The following GARRE1 variants were observed in gnomAD, a reference collection of about 807,000 sequenced individuals.
GARRE1 encodes granule associated Rac and RHOG effector protein 1.
Under a neutral mutation model 103.2 loss-of-function variants are expected in GARRE1, and 49 were observed. The observed-to-expected ratio is 0.47, with a 90% CI of 0.38 to 0.60. GARRE1 has a LOEUF of 0.60. GARRE1 is among the 20% of genes least tolerant of loss of function. The pLI is 0.00. For missense variants in GARRE1, 1,199 were observed against 1,370.5 expected (o/e 0.87, Z 1.98); for synonymous variants, 505 against 532.8 (o/e 0.95, Z 0.72).
rs540904383 is a variant in GARRE1, at chr19:34,340,004, T to C, written c.1487+12T>C. ...TGGAGGGCTGGAAGGTTGGTGTCTG[T>C]GGTTTGCATTAGATGCATACCGAGG... On this transcript the variant is annotated intron_variant, in intron 9 of 13. Transcript: ENST00000299505. The C allele has an allele frequency of 2.9e-4, 467 of 1,614,172 alleles. 3 individuals carry two copies. The South Asian group carries it at 4.9e-3, about 17-fold the overall frequency.
chr19:34,296,293 T>A (rs184356571), intron 1 of GARRE1: 370 of 718,946 alleles, frequency 5.1e-4, no homozygotes, highest in Non-Finnish European at 7.1e-4. Context: ...GAAGCCTTTG[T>A]AGGGGCCTGG....
intron 1 of GARRE1, among the ~76,000 whole-genome samples, chr19:34,275,917 G>T (rs2073814553): frequency 6.6e-6 from 1 of 152,166 alleles, no homozygotes; most frequent in Non-Finnish European, 1.5e-5. Context: ...AGTAATCCTA[G>T]TGGTTGCGAA....
intron 1 of GARRE1, among the ~76,000 whole-genome samples, chr19:34,297,389 G>A (rs2073953128): frequency 6.6e-6 from 1 of 152,078 alleles, no homozygotes; most frequent in Non-Finnish European, 1.5e-5. Context: ...AGAAAGTTTG[G>A]AAGTATGTAA....
intron 2 of GARRE1, among the ~76,000 whole-genome samples, chr19:34,305,463 A>G (rs1336281222): frequency 6.6e-6 from 1 of 152,238 alleles, no homozygotes; most frequent in Admixed American, 6.5e-5. Flanking sequence ...TCTTAGCTTT[A>G]TTCAGGACTT....
chr19:34,289,731 AAAT>A (rs2073906784), intron 1 of GARRE1, among the ~76,000 whole-genome samples: 1 of 151,920 alleles, frequency 6.6e-6, no homozygotes, highest in African/African-American at 2.4e-5. Context: ...TCAAAAAAAA[AAAT>A]AAAAAAAAGT....
chr19:34,353,180 A>G lies in GARRE1; in HGVS notation c.*225A>G. ...GCCCTGGAGAGCCAGCTGGAGACAC[A>G]GGCGTCTGGCCTTCAGGGGCTTGCT... On this transcript the variant is annotated 3_prime_UTR_variant, in exon 14 of 14. Coordinates refer to ENST00000299505, the MANE Select transcript of GARRE1 (RefSeq NM_014686.5). The G allele has an allele frequency of 3.9e-6, 2 of 517,212 alleles. No homozygotes were observed. The highest frequency in any genetic ancestry group is 2.9e-5 in the East Asian group (1 of 34,072). The allele number at this position is 517,212 out of a possible 1,614,324, so 32.0% of individuals were successfully genotyped here. A position where few individuals can be genotyped will look rare whatever the true frequency, so the allele number is the denominator to read the frequency against.
Position 34,353,082 on chromosome 19 carries a change from A to C in GARRE1, c.*127A>C. The C allele has an allele frequency of 1.1e-6, 1 of 911,282 alleles. No homozygotes were observed. The highest frequency in any genetic ancestry group is 1.6e-6 in the Non-Finnish European group (1 of 620,524). 56.4% of individuals were successfully genotyped at this position (911,282 alleles called of 1,614,324 possible). Reference sequence around the variant, plus strand: ...AGGACCAGTGCGCCCCATCCCAGGGAGGGTTCCTTGGGGACAAGGGTGGTT... The same window carrying C: ...AGGACCAGTGCGCCCCATCCCAGGGCGGGTTCCTTGGGGACAAGGGTGGTT... On this transcript the variant is annotated 3_prime_UTR_variant, in exon 14 of 14. Coordinates refer to ENST00000299505, the MANE Select transcript of GARRE1 (RefSeq NM_014686.5).
chr19:34,311,342 C>T (rs780086912), intron 2 of GARRE1, among the ~76,000 whole-genome samples: 2 of 152,158 alleles, frequency 1.3e-5, no homozygotes, highest in Non-Finnish European at 2.9e-5. Flanking sequence ...ACTAGAAGTA[C>T]TGCATGAGAT....
chr19:34,300,993 T>G, intron 2 of GARRE1, 25 bp downstream of exon 2: 1 of 1,575,758 alleles, frequency 6.3e-7, no homozygotes. Flanking sequence ...GTGTCATACT[T>G]GTGTAGGAAA....
intron 1 of GARRE1, among the ~76,000 whole-genome samples, chr19:34,291,995 A>G (rs577404595): frequency 6.6e-6 from 1 of 151,936 alleles, no homozygotes; most frequent in South Asian, 2.1e-4. Context: ...AATAGCTGGG[A>G]TTACAGGCAT....
intron 6 of GARRE1, among the ~76,000 whole-genome samples, chr19:34,329,760 C>T (rs573421831): frequency 1.3e-5 from 2 of 152,020 alleles, no homozygotes; most frequent in South Asian, 4.2e-4. Context: ...TGCTTGAACC[C>T]AGGAGGTGGA....
At chr19:34,316,230 T>C (rs1018388789) in intron 2 of GARRE1, among the ~76,000 whole-genome samples, 3 of 152,228 alleles carry the variant, frequency 2.0e-5, no homozygotes, top group African/African-American at 7.2e-5. Context: ...CATAAGGTGC[T>C]TGGTATTTAA....
chr19:34,255,740 CCCTCA>C (rs2073668090), intron 1 of GARRE1, among the ~76,000 whole-genome samples: 1 of 151,668 alleles, frequency 6.6e-6, no homozygotes, highest in Non-Finnish European at 1.5e-5. Context: ...CCTCAAGCGA[CCCTCA>C]CGCCTTCGCC....
intron 1 of GARRE1, among the ~76,000 whole-genome samples, chr19:34,281,797 GTC>G (rs1352527121): frequency 6.6e-6 from 1 of 152,168 alleles, no homozygotes; most frequent in Non-Finnish European, 1.5e-5. Flanking sequence ...AGATTCATTT[GTC>G]TTTTGTTTCA....
In GARRE1 at chr19:34,342,049, T is replaced by A; in HGVS notation, c.2115T>A (p.Ala705=). ...PVPPPPRAPQ[A]GAHTPLTPQP... ...CCCCTCCACCACGGGCACCCCAGGCTGGGGCACACACACCTCTGACACCCC... is the reference window on the plus strand; with the variant it reads ...CCCCTCCACCACGGGCACCCCAGGCAGGGGCACACACACCTCTGACACCCC... The change falls in exon 10 of 14, where the codon GCT becomes GCA. Residue 705 remains alanine, a synonymous_variant. Transcript: ENST00000299505. 1 of 1,614,066 alleles carries A rather than the reference T, an allele frequency of 6.2e-7. No homozygotes were observed. Among genetic ancestry groups the A allele is most frequent in the Non-Finnish European group, 8.5e-7 (1 of 1,180,012 alleles).
intron 2 of GARRE1, among the ~76,000 whole-genome samples, chr19:34,306,229 A>G (rs2074006952): frequency 6.6e-6 from 1 of 152,198 alleles, no homozygotes; most frequent in Admixed American, 6.5e-5. Flanking sequence ...TCTGTGGCCT[A>G]ACATTGCCAG....
chr19:34,288,270 A>T (rs946004997), intron 1 of GARRE1, among the ~76,000 whole-genome samples: 1 of 152,174 alleles, frequency 6.6e-6, no homozygotes, highest in Non-Finnish European at 1.5e-5. Context: ...TCCAAAACTG[A>T]ATGGAAACTG....
rs546636655 is a variant in GARRE1, at chr19:34,319,440, G to A, written c.496-467G>A. On this transcript the variant is annotated intron_variant, in intron 2 of 13. Transcript: ENST00000299505. ...TGTTAACACTCCTACTAAAATAACC[G>A]GTATATTTGGATTCCATTTTCAACG... Among the ~76,000 whole-genome samples, 9 of 152,214 alleles carry A rather than the reference G, an allele frequency of 5.9e-5. No homozygotes were observed. The South Asian group carries it at 1.9e-3, about 32-fold the overall frequency.
At chr19:34,318,663 T>A (rs914526856) in intron 2 of GARRE1, among the ~76,000 whole-genome samples, 1 of 152,214 alleles carries the variant, frequency 6.6e-6, no homozygotes, top group African/African-American at 2.4e-5. Context: ...GCAAAACAAC[T>A]ATGAGAAATT....
Sources: gnomAD v4.1 joint callset for allele counts (sites outside exome capture counted in the v4.1 genomes callset) on GRCh38, gnomAD v4.1.1 for gene constraint, MANE v1.5 for transcripts, NCBI Gene and HGNC (gene_info 2026-07-23, HGNC 2026-07-21) for gene names.